Variants in INVS observed in about 807,000 individuals in gnomAD.
INVS encodes the protein inversion of embryo turning homolog.
In INVS, 86 loss-of-function variants were observed where a neutral mutation model predicts 108.8. The ratio of observed to expected loss-of-function variants is 0.79; its 90% confidence interval spans 0.66 to 0.95. The LOEUF (loss-of-function observed/expected upper bound fraction) is 0.95, where lower values mean the gene tolerates loss of function less well. Ranked by LOEUF, INVS falls within the 40% of genes least tolerant of loss-of-function variation. The pLI is 0.00. For synonymous variants in INVS, 455 were observed against 473.5 expected (o/e 0.96, Z 0.51); for missense variants, 1,169 against 1,297.4 (o/e 0.90, Z 1.52).
chr9:100,284,651 C>CT (rs1220747178), intron 13 of INVS, 48 bp downstream of exon 13: 1 of 1,588,948 alleles, frequency 6.3e-7, no homozygotes, highest in Non-Finnish European at 8.6e-7. Context: ...GGACTGTGGG[C>CT]TTTTTTGATT....
At chr9:100,246,821 A>C in intron 8 of INVS, 34 bp downstream of exon 8, 1 of 1,586,586 alleles carries the variant, frequency 6.3e-7, no homozygotes. Context: ...ATTTGCTTTC[A>C]TTTAGGTTCC....
intron 5 of INVS, among the ~76,000 whole-genome samples, chr9:100,230,797 G>A (rs1286887028): frequency 2.6e-5 from 4 of 152,202 alleles, no homozygotes; most frequent in Admixed American, 2.6e-4. Context: ...GATTACAGGC[G>A]TGAGCCAACG....
intron 11 of INVS, among the ~76,000 whole-genome samples, chr9:100,272,417 T>C (rs1832985926): frequency 6.6e-6 from 1 of 152,248 alleles, no homozygotes; most frequent in African/African-American, 2.4e-5. Flanking sequence ...TAAAGGGCCA[T>C]TCTTATCATA....
chr9:100,226,810 C>CA (rs59853701), intron 4 of INVS, among the ~76,000 whole-genome samples: 25,218 of 78,270 alleles, frequency 0.32, 4,663 homozygotes, highest in Non-Finnish European at 0.44. Flanking sequence ...GAGACTGTCT[C>CA]AAAAAAAAAA....
intron 3 of INVS, among the ~76,000 whole-genome samples, chr9:100,176,409 A>G (rs1325680835): frequency 2.6e-5 from 4 of 152,200 alleles, no homozygotes; most frequent in Non-Finnish European, 5.9e-5. Context: ...ATAGGAAGTA[A>G]AAGTACAAAT....
chr9:100,173,842 T>A (rs947481754), intron 3 of INVS, among the ~76,000 whole-genome samples: 5 of 152,156 alleles, frequency 3.3e-5, no homozygotes, highest in Non-Finnish European at 7.4e-5. Context: ...ACCCCTAACC[T>A]AAACATAGAT....
At chr9:100,122,644 C>T (rs1827760805) in intron 2 of INVS, among the ~76,000 whole-genome samples, 1 of 119,616 alleles carries the variant, frequency 8.4e-6, no homozygotes, top group African/African-American at 3.3e-5. Context: ...AGTGCAGTGG[C>T]ACGATTTCGG....
At chr9:100,240,787 CT>C in intron 6 of INVS, among the ~76,000 whole-genome samples, 1 of 150,780 alleles carries the variant, frequency 6.6e-6, no homozygotes, top group East Asian at 1.9e-4. Context: ...ATAATCAGGT[CT>C]TTTTTTTTCC....
At chr9:100,246,445 C>T (rs956785592) in intron 7 of INVS, among the ~76,000 whole-genome samples, 171 bp from the exon 8 acceptor site, 4 of 152,104 alleles carry the variant, frequency 2.6e-5, no homozygotes, top group Non-Finnish European at 5.9e-5. Flanking sequence ...GGATTGTTAT[C>T]TTCGATGGAA....
chr9:100,235,874 A>G (rs925939722), intron 5 of INVS, among the ~76,000 whole-genome samples: 1 of 152,060 alleles, frequency 6.6e-6, no homozygotes, highest in Non-Finnish European at 1.5e-5. Flanking sequence ...GGAGCATCTT[A>G]ATGGTGTTCT....
chr9:100,162,114 A>G (rs529518946), intron 3 of INVS, among the ~76,000 whole-genome samples: 3 of 152,324 alleles, frequency 2.0e-5, no homozygotes, highest in South Asian at 4.1e-4. Flanking sequence ...ATAATAAGTA[A>G]CGGGCTGGTA....
At chr9:100,163,497 AT>A (rs1357837907) in intron 3 of INVS, among the ~76,000 whole-genome samples, 5 of 152,182 alleles carry the variant, frequency 3.3e-5, no homozygotes, top group Admixed American at 3.3e-4. Flanking sequence ...CAAAACAAAA[AT>A]CCCTGACTTC....
chr9:100,191,771 A>G (rs1005753809), intron 3 of INVS, among the ~76,000 whole-genome samples: 2 of 152,166 alleles, frequency 1.3e-5, no homozygotes, highest in Admixed American at 1.3e-4. Flanking sequence ...TCATATTGTC[A>G]GAATTATTTT....
At chr9:100,165,885 AC>A (rs1829349110) in intron 3 of INVS, among the ~76,000 whole-genome samples, 1 of 152,164 alleles carries the variant, frequency 6.6e-6, no homozygotes, top group East Asian at 1.9e-4. Flanking sequence ...CAATAGCTTT[AC>A]TTTTAGTAGG....
At chr9:100,233,991 A>T (rs938188744) in intron 5 of INVS, among the ~76,000 whole-genome samples, 12 of 152,144 alleles carry the variant, frequency 7.9e-5, no homozygotes, top group African/African-American at 2.4e-4. Flanking sequence ...CTGTGAATCC[A>T]TCTGGTCCTG....
intron 10 of INVS, among the ~76,000 whole-genome samples, chr9:100,260,186 CTTTTTTT>C (rs372496395): frequency 1.2e-4 from 12 of 101,494 alleles, no homozygotes; most frequent in Non-Finnish European, 2.0e-4. Flanking sequence ...ATTTTCTTTT[CTTTTTTT>C]TTTTTTTTTT....
intron 3 of INVS, chr9:100,176,009 G>A (rs1829702029): frequency 1.8e-6 from 1 of 542,516 alleles, no homozygotes; most frequent in Non-Finnish European, 3.6e-6. Context: ...ACAAACCATA[G>A]ATTTATTCCT....
At chr9:100,150,478 T>C (rs2118979523) in intron 3 of INVS, among the ~76,000 whole-genome samples, 1 of 152,312 alleles carries the variant, frequency 6.6e-6, no homozygotes, top group Admixed American at 6.5e-5. Context: ...CTCATGCTGG[T>C]TTCTTTTAAA....
intron 8 of INVS, among the ~76,000 whole-genome samples, chr9:100,250,576 GA>G (rs1410130127): frequency 6.6e-6 from 1 of 152,038 alleles, no homozygotes; most frequent in Non-Finnish European, 1.5e-5. Flanking sequence ...AGGCTATATG[GA>G]CAAAGATTCT....
Sources: allele counts gnomAD v4.1 joint callset (sites outside exome capture counted in the v4.1 genomes callset), GRCh38; gene constraint gnomAD v4.1.1; transcripts MANE v1.5; gene names NCBI Gene and HGNC (gene_info 2026-07-23, HGNC 2026-07-21).